C8orf34: variants seen among roughly 807,000 people sequenced by gnomAD.
C8orf34 encodes uncharacterized protein C8orf34.
C8orf34 carries 65 observed loss-of-function variants against 68.3 expected under a neutral mutation model. The observed-to-expected ratio is 0.95, with a 90% CI of 0.78 to 1.17. C8orf34 has a LOEUF of 1.17. C8orf34 is among the 50% of genes most tolerant of loss of function. C8orf34 has a pLI of 0.00. For synonymous variants in C8orf34, 244 were observed against 241.2 expected (o/e 1.01, Z -0.11); for missense variants, 664 against 655.4 (o/e 1.01, Z -0.14).
chr8:68,466,049 AAAC>A (rs1348419711), intron 3 of C8orf34, among the ~76,000 whole-genome samples: 1 of 151,450 alleles, frequency 6.6e-6, no homozygotes, highest in Non-Finnish European at 1.5e-5. Flanking sequence ...TTAAAAAAAA[AAAC>A]AATGAAATCA....
intron 1 of C8orf34, among the ~76,000 whole-genome samples, chr8:68,357,156 T>C (rs1806785532): frequency 6.6e-6 from 1 of 152,162 alleles, no homozygotes; most frequent in Non-Finnish European, 1.5e-5. Context: ...GTCTTAGTAT[T>C]ATATAAAATG....
intron 5 of C8orf34, among the ~76,000 whole-genome samples, chr8:68,490,873 C>T (rs572873492): frequency 1.3e-5 from 2 of 152,260 alleles, no homozygotes; most frequent in South Asian, 4.2e-4. Flanking sequence ...CCATGAAGCT[C>T]ACAGTCCTGA....
intron 9 of C8orf34, among the ~76,000 whole-genome samples, chr8:68,718,102 T>C (rs942795937): frequency 6.6e-6 from 1 of 152,192 alleles, no homozygotes; most frequent in African/African-American, 2.4e-5. Flanking sequence ...TCACCTGTTC[T>C]AAGATCATGT....
chr8:68,755,678 G>T (rs1408597625), intron 10 of C8orf34, among the ~76,000 whole-genome samples: 1 of 152,030 alleles, frequency 6.6e-6, no homozygotes, highest in Non-Finnish European at 1.5e-5. Flanking sequence ...ACCTCCTATG[G>T]TTGTCCAAGC....
At position 68,798,288 on chromosome 8, in the gene C8orf34, C is replaced by CTTTT. The variant is rs10690187; in HGVS notation, c.1549+10769_1549+10772dup. Among the ~76,000 whole-genome samples the CTTTT allele has an allele frequency of 8.8e-5, 11 of 125,000 alleles. 1 individual carries two copies. The highest frequency in any genetic ancestry group is 2.5e-4 in the African/African-American group (8 of 32,596). 82.0% of individuals were successfully genotyped at this position (125,000 alleles called of 152,430 possible). ...TACAGGTGTGAAGCATTATGTCTGG[C>CTTTT]TTTTTTTTTTTTTTTTTTTTAAACA... On this transcript the variant is annotated intron_variant, in intron 12 of 13. Coordinates refer to ENST00000518698, the MANE Select transcript of C8orf34 (RefSeq NM_052958.4).
chr8:68,355,676 A>G (rs939238021), intron 1 of C8orf34, among the ~76,000 whole-genome samples: 1 of 152,130 alleles, frequency 6.6e-6, no homozygotes, highest in African/African-American at 2.4e-5. Flanking sequence ...TATAGAAAAG[A>G]TCTTGGTGAT....
At chr8:68,563,625 G>A (rs1180257061) in intron 7 of C8orf34, among the ~76,000 whole-genome samples, 1 of 151,708 alleles carries the variant, frequency 6.6e-6, no homozygotes, top group Admixed American at 6.6e-5. Flanking sequence ...CATGTTTCAA[G>A]TTTGGGATTA....
chr8:68,678,411 G>T lies in C8orf34; in HGVS notation c.1242-30583G>T, dbSNP rs183311575. Among the ~76,000 whole-genome samples the T allele has an allele frequency of 1.4e-3, 218 of 152,154 alleles. 3 individuals are homozygous for T. The highest frequency in any genetic ancestry group is 4.9e-3 in the African/African-American group (203 of 41,506). ...CACAATCAGATGGGAATTATATCAG[G>T]GATGCAAGGATGGTTCAATATATGC... On this transcript the variant is annotated intron_variant, in intron 8 of 13. Transcript: ENST00000518698.
chr8:68,720,968 C>A (rs7014834), intron 9 of C8orf34, among the ~76,000 whole-genome samples: 11,352 of 151,830 alleles, frequency 0.075, 614 homozygotes, highest in African/African-American at 0.15. Flanking sequence ...AAATATTACT[C>A]AAATTGTGTA....
intron 8 of C8orf34, 116 bp from the exon 9 acceptor site, chr8:68,708,878 C>A (rs954847900): frequency 1.7e-5 from 12 of 725,346 alleles, no homozygotes; most frequent in African/African-American, 9.2e-5. Context: ...CTATTTTGAA[C>A]ATGCATATCT....
intron 1 of C8orf34, among the ~76,000 whole-genome samples, chr8:68,410,238 G>A (rs1304663393): frequency 6.6e-6 from 1 of 152,144 alleles, no homozygotes; most frequent in Non-Finnish European, 1.5e-5. Flanking sequence ...TGGGTAGAGA[G>A]GTTAGCAATC....
intron 1 of C8orf34, among the ~76,000 whole-genome samples, chr8:68,373,000 C>T (rs941283610): frequency 6.6e-6 from 1 of 152,058 alleles, no homozygotes; most frequent in Non-Finnish European, 1.5e-5. Flanking sequence ...GTTTTTGTTT[C>T]TGTTTTGTTT....
intron 7 of C8orf34, among the ~76,000 whole-genome samples, chr8:68,567,034 G>C (rs1050547041): frequency 7.2e-5 from 11 of 152,116 alleles, no homozygotes; most frequent in Non-Finnish European, 1.2e-4. Flanking sequence ...CAGTTAGCTA[G>C]TTTTTGTTAA....
rs139482924 is a variant in C8orf34, at chr8:68,336,908, G to A, written c.327+5569G>A. On this transcript the variant is annotated intron_variant, in intron 1 of 13. Coordinates refer to ENST00000518698, the MANE Select transcript of C8orf34 (RefSeq NM_052958.4). ...CAACTTGAGGGTCAAAATAAAGAATGATAGTAACAGATTATTTTACTGAAT... is the reference window on the plus strand; with the variant it reads ...CAACTTGAGGGTCAAAATAAAGAATAATAGTAACAGATTATTTTACTGAAT... Among the ~76,000 whole-genome samples, 39 of 152,230 alleles carry A rather than the reference G, an allele frequency of 2.6e-4. No individual in the cohort carries two copies. The East Asian group carries it at 7.3e-3, about 29-fold the overall frequency.
chr8:68,461,274 G>A (rs1009357595), intron 3 of C8orf34, among the ~76,000 whole-genome samples: 23 of 152,262 alleles, frequency 1.5e-4, no homozygotes, highest in Non-Finnish European at 2.8e-4. Context: ...AAAGCCTCCA[G>A]GAAATATGGG....
chr8:68,597,416 A>G (rs1460062756), intron 7 of C8orf34, among the ~76,000 whole-genome samples: 1 of 152,156 alleles, frequency 6.6e-6, no homozygotes, highest in African/African-American at 2.4e-5. Flanking sequence ...TTCTTAACAA[A>G]GGACCTCATC....
At chr8:68,776,969 C>T (rs1353019729) in intron 11 of C8orf34, among the ~76,000 whole-genome samples, 1 of 152,166 alleles carries the variant, frequency 6.6e-6, no homozygotes, top group African/African-American at 2.4e-5. Flanking sequence ...TGGAGATATC[C>T]AAGGGTGTTC....
rs1369648094 is a variant in C8orf34, at chr8:68,686,406, C to G, written c.1242-22588C>G. On this transcript the variant is annotated intron_variant, in intron 8 of 13. Coordinates refer to ENST00000518698, the MANE Select transcript of C8orf34 (RefSeq NM_052958.4). Reference sequence around the variant, plus strand: ...CAACAAAATACCAACTAACCAAATCCAAGAGCACATAAAAAAGGCAATACA... The same window carrying G: ...CAACAAAATACCAACTAACCAAATCGAAGAGCACATAAAAAAGGCAATACA... 2.6e-5 allele frequency among the ~76,000 whole-genome samples: 4 copies of G among 151,962 alleles called. No homozygotes were observed. The East Asian group carries it at 7.7e-4, about 29-fold the overall frequency.
intron 1 of C8orf34, among the ~76,000 whole-genome samples, chr8:68,348,349 T>G (rs1251621384): frequency 6.6e-6 from 1 of 152,178 alleles, no homozygotes; most frequent in Non-Finnish European, 1.5e-5. Flanking sequence ...AGTATCATGC[T>G]GTTTTGGTTA....
Sources: allele counts gnomAD v4.1 joint callset (sites outside exome capture counted in the v4.1 genomes callset), GRCh38; gene constraint gnomAD v4.1.1; transcripts MANE v1.5; gene names NCBI Gene and HGNC (gene_info 2026-07-23, HGNC 2026-07-21).